The following MSMO1 variants were observed in gnomAD, a reference collection of about 807,000 sequenced individuals.
MSMO1 encodes C-4 methylsterol oxidase.
Under a neutral mutation model 30.4 loss-of-function variants are expected in MSMO1, and 18 were observed. That is an observed-to-expected ratio of 0.59 (90% CI 0.41 to 0.88). The LOEUF (loss-of-function observed/expected upper bound fraction) is 0.88, where lower values mean the gene tolerates loss of function less well. MSMO1 is among the 40% of genes least tolerant of loss of function. The probability of loss-of-function intolerance (pLI) is 0.00; values close to 1 mark genes in which losing one functional copy is unlikely to be tolerated. For synonymous variants in MSMO1, 84 were observed against 107.9 expected, an observed-to-expected ratio of 0.78 and a Z score of 1.37; for missense variants, 284 against 340.5, an observed-to-expected ratio of 0.83 and a Z score of 1.31.
At chr4:165,340,571 A>G in intron 5 of MSMO1, 196 bp downstream of exon 5, 7 of 594,722 alleles carry the variant, frequency 1.2e-5, no homozygotes, top group Non-Finnish European at 2.0e-5. Context: ...TATAATTTTT[A>G]TAGTGATAAT....
At chr4:165,335,842 A>C (rs752274780) in intron 2 of MSMO1, among the ~76,000 whole-genome samples, 3 of 152,232 alleles carry the variant, frequency 2.0e-5, no homozygotes, top group Non-Finnish European at 4.4e-5. Context: ...ATAACCATTA[A>C]AGTCCATGCT....
rs745860854 is a variant in MSMO1, at chr4:165,333,366, G to C, written c.-5G>C. ...ATTATAAGGCTGTCTGCAGAGATTT[G>C]AAAAATGGCAACAAATGAAAGTGTC... On this transcript the variant is annotated 5_prime_UTR_variant, in exon 2 of 6. Transcript: ENST00000261507. 20 of 1,611,338 alleles carry C rather than the reference G, an allele frequency of 1.2e-5. 1 individual carries two copies. The South Asian group carries it at 2.0e-4, about 16-fold the overall frequency.
chr4:165,335,443 C>G (rs2126622100), intron 2 of MSMO1, among the ~76,000 whole-genome samples: 1 of 152,274 alleles, frequency 6.6e-6, no homozygotes, highest in South Asian at 2.1e-4. Flanking sequence ...CTCCAAAGTG[C>G]TTTTTAGGAA....
Position 165,334,669 on chromosome 4 carries a change from G to A in MSMO1, c.255+1044G>A, listed in dbSNP as rs146279865. 4.6e-3 allele frequency among the ~76,000 whole-genome samples: 693 copies of A among 152,296 alleles called. 4 individuals carry two copies. Among genetic ancestry groups the A allele is most frequent in the African/African-American group, 0.016 (669 of 41,544 alleles). On this transcript the variant is annotated intron_variant, in intron 2 of 5. Coordinates refer to ENST00000261507, the MANE Select transcript of MSMO1 (RefSeq NM_006745.5). ...CTCATATGTAGCCTGTGAGCTTGAC[G>A]TGAGAATTTGGAGTAGCTTATTAGA...
At chr4:165,340,488 G>A (rs1747687466) in intron 5 of MSMO1, 113 bp downstream of exon 5, 8 of 872,876 alleles carry the variant, frequency 9.2e-6, no homozygotes, top group African/African-American at 1.7e-5. Flanking sequence ...TCTTCTTAAT[G>A]TTATATTAAG....
intron 1 of MSMO1, chr4:165,328,006 G>T (rs765923700): frequency 6.6e-6 from 1 of 152,366 alleles, no homozygotes; most frequent in Non-Finnish European, 1.5e-5. Context: ...CTAGGCTAGG[G>T]CATGTTTCTT....
chr4:165,330,182 T>A (rs1747353062), intron 1 of MSMO1, among the ~76,000 whole-genome samples: 2 of 152,250 alleles, frequency 1.3e-5, no homozygotes, highest in Non-Finnish European at 2.9e-5. Context: ...TGTTAAGCAT[T>A]AACTTAACAT....
At chr4:165,337,079 A>G (rs1747572172) in intron 2 of MSMO1, among the ~76,000 whole-genome samples, 3 of 152,324 alleles carry the variant, frequency 2.0e-5, no homozygotes, top group Admixed American at 1.3e-4. Context: ...TATTGTCACC[A>G]TCGTTTTGTT....
chr4:165,337,834 C>T lies in MSMO1; in HGVS notation c.301C>T (p.Leu101Phe). Reference sequence around the variant, plus strand: ...AAACCAATGGAAGTGTTTCAAAGTTCTTCTCTTTAATCACTTCTGTATCCA... The same window carrying T: ...AAACCAATGGAAGTGTTTCAAAGTTTTTCTCTTTAATCACTTCTGTATCCA... ...WENQWKCFKV[L>F]LFNHFCIQLP... Residue 101 changes from leucine (L) to phenylalanine (F), a missense_variant, in exon 3 of 6, where the codon CTT (leucine) becomes TTT (phenylalanine). Physicochemically the swap from Leu to Phe is conservative, Grantham distance 22. Transcript: ENST00000261507. 6.2e-7 allele frequency: 1 copy of T among 1,613,516 alleles called. No homozygotes were observed. Among genetic ancestry groups the T allele is most frequent in the East Asian group, 2.2e-5 (1 of 44,764 alleles).
chr4:165,338,837 C>T (rs1747635392), intron 4 of MSMO1, 59 bp downstream of exon 4: 3 of 1,411,202 alleles, frequency 2.1e-6, no homozygotes, highest in Admixed American at 2.1e-5. Flanking sequence ...TTTTAATTGC[C>T]TGAGCATTTT....
intron 2 of MSMO1, among the ~76,000 whole-genome samples, chr4:165,335,410 A>G (rs536078880): frequency 2.0e-5 from 3 of 152,324 alleles, no homozygotes; most frequent in African/African-American, 7.2e-5. Context: ...GTACTCTGTG[A>G]CCCTCAATTA....
intron 1 of MSMO1, among the ~76,000 whole-genome samples, chr4:165,329,600 A>T (rs1579210797): frequency 8.0e-6 from 1 of 124,434 alleles, no homozygotes; most frequent in Non-Finnish European, 1.7e-5. Context: ...GGTTTATTGG[A>T]TTTGGCAGCT....
In MSMO1 at chr4:165,338,724, C is replaced by G. The variant is rs1258448438; in HGVS notation, c.477C>G (p.Leu159=). The G allele has an allele frequency of 6.3e-7, 1 of 1,598,086 alleles. No homozygotes were observed. Residue 159 remains leucine, a synonymous_variant, in exon 4 of 6, where the codon CTC becomes CTG. Transcript: ENST00000261507. ...EDTWHYFLHR[L]LHHKRIYKYI... is the part of the protein sequence containing the mutation. ...CTTGGCACTATTTTCTGCATAGACT[C>G]TTACACCACAAAAGAATATACAAGT...
chr4:165,341,178 TA>T (rs1439700536), intron 5 of MSMO1, among the ~76,000 whole-genome samples: 1 of 152,304 alleles, frequency 6.6e-6, no homozygotes, highest in East Asian at 1.9e-4. Context: ...GAGCATACTT[TA>T]AATGGGACTC....
intron 5 of MSMO1, among the ~76,000 whole-genome samples, chr4:165,341,487 A>G (rs756252987): frequency 3.3e-5 from 5 of 152,192 alleles, no homozygotes; most frequent in African/African-American, 4.8e-5. Context: ...ATTCATTACT[A>G]TAATCCGTCT....
At chr4:165,340,884 C>T (rs1281001299) in intron 5 of MSMO1, among the ~76,000 whole-genome samples, 1 of 152,108 alleles carries the variant, frequency 6.6e-6, no homozygotes, top group Admixed American at 6.6e-5. Context: ...ATTATATGTT[C>T]ATTGCATTTT....
At chr4:165,334,735 T>A (rs1310546397) in intron 2 of MSMO1, among the ~76,000 whole-genome samples, 1 of 152,218 alleles carries the variant, frequency 6.6e-6, no homozygotes, top group African/African-American at 2.4e-5. Context: ...TGATGATAGT[T>A]TCTAGTGTTT....
chr4:165,340,151 C>T (rs1375123297), intron 4 of MSMO1, 70 bp from the exon 5 acceptor site: 3 of 1,391,472 alleles, frequency 2.2e-6, no homozygotes, highest in East Asian at 4.6e-5. Context: ...CATAGCCTAG[C>T]CAAGTTGACA....
At chr4:165,339,448 T>C (rs1747657191) in intron 4 of MSMO1, among the ~76,000 whole-genome samples, 1 of 152,096 alleles carries the variant, frequency 6.6e-6, no homozygotes, top group Admixed American at 6.6e-5. Flanking sequence ...GTTATGTGAG[T>C]ATGTTTTGCA....
Sources: gnomAD v4.1 joint callset for allele counts (sites outside exome capture counted in the v4.1 genomes callset) on GRCh38, gnomAD v4.1.1 for gene constraint, MANE v1.5 for transcripts, NCBI Gene and HGNC (gene_info 2026-07-23, HGNC 2026-07-21) for gene names.